The following RNF220 variants were observed in gnomAD, a reference collection of about 807,000 sequenced individuals.
The protein encoded by RNF220 is ring finger protein 220.
In RNF220, 7 loss-of-function variants were observed where a neutral mutation model predicts 67.1. The observed-to-expected ratio is 0.10, with a 90% CI of 0.06 to 0.20. The LOEUF is 0.20. Ranked by LOEUF, RNF220 falls within the 10% of genes least tolerant of loss-of-function variation. The pLI, the probability that RNF220 is intolerant of heterozygous loss-of-function variation, is 1.00. For missense variants in RNF220, 565 were observed against 740.3 expected (o/e 0.76, Z 2.75); for synonymous variants, 270 against 283.2 (o/e 0.95, Z 0.47).
rs947466758 is a variant in RNF220 at position 44,571,079 on chromosome 1, A to G, written c.626-43086A>G. On this transcript the variant is annotated intron_variant, in intron 2 of 14. Coordinates refer to ENST00000361799, the MANE Select transcript of RNF220 (RefSeq NM_018150.4). ...ACAGAGAGAGACTCCATCTGAAGAA[A>G]AAAAAAAAAGATAAATCAGATTATA... Among the ~76,000 whole-genome samples the G allele has an allele frequency of 4.6e-5, 7 of 151,824 alleles. No individual in the cohort carries two copies. In the East Asian group the frequency reaches 1.4e-3, roughly 29 times the overall value.
intron 2 of RNF220, among the ~76,000 whole-genome samples, chr1:44,548,014 T>C (rs551709300): frequency 4.3e-4 from 66 of 152,202 alleles, no homozygotes; most frequent in Non-Finnish European, 3.5e-4. Flanking sequence ...CTTCATTTTC[T>C]CTCTACCACG....
intron 2 of RNF220, among the ~76,000 whole-genome samples, chr1:44,522,080 A>G (rs917781853): frequency 6.8e-6 from 1 of 147,782 alleles, no homozygotes; most frequent in African/African-American, 2.7e-5. Flanking sequence ...TCTTGTCTCT[A>G]CTCTGTCTTG....
chr1:44,501,774 G>C (rs1184787605), intron 2 of RNF220, among the ~76,000 whole-genome samples: 1 of 152,098 alleles, frequency 6.6e-6, no homozygotes, highest in African/African-American at 2.4e-5. Context: ...GCAGGAGAGG[G>C]GGGCTGGGTG....
chr1:44,452,481 T>C (rs1234431099), intron 2 of RNF220, among the ~76,000 whole-genome samples: 1 of 151,960 alleles, frequency 6.6e-6, no homozygotes, highest in Non-Finnish European at 1.5e-5. Flanking sequence ...TTGAACCCGG[T>C]AGGCAGAGGT....
chr1:44,636,118 A>G lies in RNF220; in HGVS notation c.1082A>G (p.Gln361Arg). 6.2e-7 allele frequency: 1 copy of G among 1,613,390 alleles called. No individual in the cohort carries two copies. The highest frequency in any genetic ancestry group is 2.2e-5 in the East Asian group (1 of 44,852). Residue 361 changes from glutamine to arginine, a missense_variant, in exon 8 of 15, where the codon CAG becomes CGG. Physicochemically the swap from Gln to Arg is conservative, Grantham distance 43 (BLOSUM62 1). Transcript: ENST00000361799. ...NRFEEYEWCG[Q>R]KRIRATTLLE... ...TTTGAGGAGTATGAGTGGTGTGGAC[A>G]GAAGCGGATACGGGCCACCACTCTC...
At chr1:44,508,194 A>G (rs551271677) in intron 2 of RNF220, among the ~76,000 whole-genome samples, 18 of 150,092 alleles carry the variant, frequency 1.2e-4, no homozygotes, top group African/African-American at 4.4e-4. Flanking sequence ...GGGGGTGGGG[A>G]GCAGTGGAAC....
intron 2 of RNF220, among the ~76,000 whole-genome samples, chr1:44,435,189 G>T (rs1650840034): frequency 6.6e-6 from 1 of 152,190 alleles, no homozygotes; most frequent in Non-Finnish European, 1.5e-5. Context: ...AGTGCGACAT[G>T]CTGAGCAACA....
At chr1:44,484,959 C>G (rs1330333848) in intron 2 of RNF220, among the ~76,000 whole-genome samples, 1 of 152,062 alleles carries the variant, frequency 6.6e-6, no homozygotes, top group Non-Finnish European at 1.5e-5. Context: ...CTGGCTAACA[C>G]GATGAAACCC....
chr1:44,469,720 G>C (rs1169167373), intron 2 of RNF220, among the ~76,000 whole-genome samples: 3 of 152,290 alleles, frequency 2.0e-5, no homozygotes, highest in Non-Finnish European at 4.4e-5. Flanking sequence ...GCCTGAGTAT[G>C]ATATTACCCA....
At chr1:44,568,673 G>C (rs1175073903) in intron 2 of RNF220, among the ~76,000 whole-genome samples, 1 of 152,230 alleles carries the variant, frequency 6.6e-6, no homozygotes, top group African/African-American at 2.4e-5. Flanking sequence ...AATCAGCGGG[G>C]ATGGAGTTGC....
chr1:44,646,929 C>T (rs935192110), intron 12 of RNF220, among the ~76,000 whole-genome samples: 2 of 152,190 alleles, frequency 1.3e-5, no homozygotes, highest in African/African-American at 4.8e-5. Context: ...ATGGCTCCTC[C>T]AGGAATCTCC....
Position 44,650,353 on chromosome 1 carries a change from TA to T in RNF220, c.1630-347del. ...CTGTTCTTCGCTCAGGAGCAGCCAT[TA>T]AAATGTCGCCCGGAGACAGTAATAA... On this transcript the variant is annotated intron_variant, in intron 14 of 14. Coordinates refer to ENST00000361799, the MANE Select transcript of RNF220 (RefSeq NM_018150.4). The surrounding 1 kb of genome is among the most constrained non-coding windows in gnomAD (Gnocchi z 4.3). 2.2e-6 allele frequency: 1 copy of T among 464,340 alleles called. No homozygotes were observed. Among genetic ancestry groups the T allele is most frequent in the Non-Finnish European group, 3.9e-6 (1 of 253,868 alleles). 28.8% of individuals were successfully genotyped at this position (464,340 alleles called of 1,614,324 possible).
chr1:44,635,822 A>T, intron 7 of RNF220: 2 of 1,280,944 alleles, frequency 1.6e-6, no homozygotes, highest in Non-Finnish European at 2.1e-6. Context: ...TTTCACTCTC[A>T]CTCATTCCCT....
intron 8 of RNF220, among the ~76,000 whole-genome samples, chr1:44,642,515 G>A (rs1644516623): frequency 6.6e-6 from 1 of 152,202 alleles, no homozygotes; most frequent in Non-Finnish European, 1.5e-5. Context: ...GAAGGTTCTA[G>A]GCAGAGAGCA....
At chr1:44,512,871 C>G (rs1444539872) in intron 2 of RNF220, among the ~76,000 whole-genome samples, 1 of 152,004 alleles carries the variant, frequency 6.6e-6, no homozygotes, top group South Asian at 2.1e-4. Flanking sequence ...ACAGTGAGCT[C>G]GGTGGCTCCT....
At chr1:44,489,263 G>A (rs1243783077) in intron 2 of RNF220, among the ~76,000 whole-genome samples, 5 of 152,190 alleles carry the variant, frequency 3.3e-5, no homozygotes, top group Admixed American at 1.3e-4. Flanking sequence ...AAGGGGCCAC[G>A]TGATATAAAA....
intron 2 of RNF220, among the ~76,000 whole-genome samples, chr1:44,550,754 G>A (rs566446239): frequency 1.1e-3 from 164 of 152,258 alleles, no homozygotes; most frequent in Admixed American, 2.1e-3. Flanking sequence ...TTTCCAGCCC[G>A]TTTAGTTCTG....
intron 2 of RNF220, among the ~76,000 whole-genome samples, chr1:44,454,604 G>A (rs1012810043): frequency 6.8e-6 from 1 of 146,790 alleles, no homozygotes; most frequent in Non-Finnish European, 1.5e-5. Flanking sequence ...CAAGTTTATT[G>A]TTTTTTTGTT....
chr1:44,408,963 T>C (rs12404256), intron 1 of RNF220: 4,987 of 152,342 alleles, frequency 0.033, 117 homozygotes, highest in Middle Eastern at 0.078. Flanking sequence ...CTCTGAGACT[T>C]TCTCTTGGGC....
Sources: allele counts gnomAD v4.1 joint callset (sites outside exome capture counted in the v4.1 genomes callset), GRCh38; gene constraint gnomAD v4.1.1; non-coding constraint Gnocchi (gnomAD v3.1); transcripts MANE v1.5; gene names NCBI Gene and HGNC (gene_info 2026-07-23, HGNC 2026-07-21).